The following PIK3R3 variants were observed in gnomAD, a reference collection of about 807,000 sequenced individuals.
PIK3R3 encodes the protein phosphoinositide-3-kinase regulatory subunit 3, also known as phosphatidylinositol 3-kinase regulatory subunit gamma.
PIK3R3 carries 64 observed loss-of-function variants against 62.9 expected under a neutral mutation model. The observed-to-expected ratio is 1.02, with a 90% CI of 0.83 to 1.25. The LOEUF is 1.25. Among genes scored for constraint, PIK3R3 ranks in the 50% most tolerant of loss-of-function variants. The pLI is 0.00. For missense variants in PIK3R3, 614 were observed against 561.6 expected, an observed-to-expected ratio of 1.09 and a Z score of -0.94; for synonymous variants, 165 against 189.0, an observed-to-expected ratio of 0.87 and a Z score of 1.04.
Position 46,119,223 on chromosome 1 carries a change from G to A in PIK3R3, c.106+12624C>T, listed in dbSNP as rs1467396629. Among the ~76,000 whole-genome samples the A allele has an allele frequency of 2.0e-5, 3 of 152,174 alleles. No individual in the cohort carries two copies. In the East Asian group the frequency reaches 5.8e-4, roughly 29 times the overall value. ...GTCCATGAAGCATTTTTGCTGTTTT[G>A]TTCACTACTACACTTAGAATAGTGC... On this transcript the variant is annotated intron_variant, in intron 1 of 9. Coordinates refer to ENST00000262741, the MANE Select transcript of PIK3R3 (RefSeq NM_003629.4).
chr1:46,049,179 A>AT (rs1647190811), intron 7 of PIK3R3, among the ~76,000 whole-genome samples: 1 of 151,454 alleles, frequency 6.6e-6, no homozygotes. Flanking sequence ...AAAAAAAAAA[A>AT]GGAAAATACT....
chr1:46,066,079 T>C lies in PIK3R3; in HGVS notation c.596A>G (p.Tyr199Cys). Residue 199 changes from tyrosine (Y) to cysteine (C), a missense_variant, in exon 5 of 10, where the codon TAT becomes TGT. Tyr to Cys is a radical substitution (Grantham distance 194). Transcript: ENST00000262741. Reference protein sequence around the residue: ...QEKSKEYDRLYEEYTRTSQEI... With the variant: ...QEKSKEYDRLCEEYTRTSQEI... ...CTGGGATGTTCTAGTATATTCTTCA[T>C]ACAGCCTATCATACTCTTTACTCTT... is the stretch of plus-strand genomic sequence containing the variant. 1 of 1,609,042 alleles carries C rather than the reference T, an allele frequency of 6.2e-7. No homozygotes were observed. Among genetic ancestry groups the C allele is most frequent in the East Asian group, 2.2e-5 (1 of 44,706 alleles).
chr1:46,110,536 GA>G (rs2149453847), intron 1 of PIK3R3, among the ~76,000 whole-genome samples: 1 of 151,786 alleles, frequency 6.6e-6, no homozygotes, highest in South Asian at 2.1e-4. Flanking sequence ...CCTCTTCTTT[GA>G]TTCTACAGAG....
At chr1:46,050,308 T>TA (rs1405480421) in intron 7 of PIK3R3, among the ~76,000 whole-genome samples, 1 of 152,040 alleles carries the variant, frequency 6.6e-6, no homozygotes, top group African/African-American at 2.4e-5. Flanking sequence ...CTCATGCCTG[T>TA]AATCCCAGCA....
chr1:46,087,359 C>A (rs923555399), intron 1 of PIK3R3, among the ~76,000 whole-genome samples: 3 of 151,244 alleles, frequency 2.0e-5, no homozygotes, highest in African/African-American at 7.3e-5. Context: ...ACTCAGGGAA[C>A]ACCAAGCTCG....
chr1:46,150,868 G>C, the PIK3R3 span, among the ~76,000 whole-genome samples: 1 of 148,630 alleles, frequency 6.7e-6, no homozygotes, highest in Non-Finnish European at 1.5e-5. Context: ...GAATGCAATG[G>C]TGTGATCTCG....
At chr1:46,091,057 T>A (rs762756309) in intron 1 of PIK3R3, among the ~76,000 whole-genome samples, 1 of 152,036 alleles carries the variant, frequency 6.6e-6, no homozygotes, top group Non-Finnish European at 1.5e-5. Flanking sequence ...CTCAAACTCC[T>A]GGGTTCAAGT....
chr1:46,062,363 G>A (rs145180436), intron 5 of PIK3R3, among the ~76,000 whole-genome samples: 1,796 of 151,710 alleles, frequency 0.012, 28 homozygotes, highest in African/African-American at 0.038. Context: ...ATCACTTGAG[G>A]TCAGGAGTTC....
intron 1 of PIK3R3, among the ~76,000 whole-genome samples, chr1:46,103,468 G>A (rs959062564): frequency 9.2e-5 from 14 of 151,964 alleles, no homozygotes; most frequent in African/African-American, 2.9e-4. Flanking sequence ...TACTCAGGAG[G>A]CTGAGGCACG....
rs574893159 is a variant in PIK3R3 at position 46,040,140 on chromosome 1, T to A, written c.*3533A>T. 15 of 152,836 alleles carry A rather than the reference T, an allele frequency of 9.8e-5. No homozygotes were observed. In the East Asian group the frequency reaches 1.7e-3, roughly 17 times the overall value. The allele number at this position is 152,836 out of a possible 1,614,324, so 9.5% of individuals were successfully genotyped here. On this transcript the variant is annotated 3_prime_UTR_variant, in exon 10 of 10. Coordinates refer to ENST00000262741, the MANE Select transcript of PIK3R3 (RefSeq NM_003629.4). ...CCCTTCATAGCATGAAGACAAAAAA[T>A]TACTTTATTGCAATGTCTTTATTGC...
chr1:46,050,372 C>A (rs969120121), intron 7 of PIK3R3, among the ~76,000 whole-genome samples: 8 of 152,160 alleles, frequency 5.3e-5, no homozygotes, highest in African/African-American at 1.7e-4. Flanking sequence ...CGAGACCAGC[C>A]TGGCCAACAT....
At chr1:46,123,400 G>C (rs542036316) in intron 1 of PIK3R3, among the ~76,000 whole-genome samples, 1 of 152,260 alleles carries the variant, frequency 6.6e-6, no homozygotes, top group East Asian at 1.9e-4. Flanking sequence ...AATTCGACTA[G>C]AAGTATGAAT....
At chr1:46,071,712 A>AAAAAAAAATAT (rs1472807815) in intron 3 of PIK3R3, among the ~76,000 whole-genome samples, 3 of 24,644 alleles carry the variant, frequency 1.2e-4, no homozygotes, top group Non-Finnish European at 2.3e-4. Flanking sequence ...AAAAAAAAAA[A>AAAAAAAAATAT]ATATATATAT....
At chr1:46,144,301 G>A in the PIK3R3 span, among the ~76,000 whole-genome samples, 1 of 152,162 alleles carries the variant, frequency 6.6e-6, no homozygotes, top group East Asian at 1.9e-4. Flanking sequence ...AAGAATACGA[G>A]CAGTAATCAA....
intron 7 of PIK3R3, among the ~76,000 whole-genome samples, chr1:46,055,365 C>T (rs1360882646): frequency 3.9e-5 from 6 of 152,220 alleles, no homozygotes; most frequent in Non-Finnish European, 4.4e-5. Context: ...CTACCTCGGC[C>T]TCCCAAAGTG....
chr1:46,150,527 T>C, the PIK3R3 span, among the ~76,000 whole-genome samples: 499 of 152,352 alleles, frequency 3.3e-3, 2 homozygotes, highest in Non-Finnish European at 4.7e-3. Context: ...TCCCGTACTT[T>C]AACTTATGCT....
chr1:46,143,657 T>C, the PIK3R3 span, among the ~76,000 whole-genome samples: 1 of 152,150 alleles, frequency 6.6e-6, no homozygotes, highest in East Asian at 1.9e-4. Flanking sequence ...AAAAAAAATT[T>C]TTTTTTTTAG....
chr1:46,063,155 TAC>T (rs796083210), intron 5 of PIK3R3, among the ~76,000 whole-genome samples: 21 of 152,324 alleles, frequency 1.4e-4, no homozygotes, highest in African/African-American at 5.1e-4. Flanking sequence ...TTTATTGCTT[TAC>T]AGAGACTTCA....
the PIK3R3 span, among the ~76,000 whole-genome samples, chr1:46,147,641 G>A: frequency 7.6e-6 from 1 of 132,262 alleles, no homozygotes; most frequent in Non-Finnish European, 1.5e-5. Context: ...GGACGGTCTC[G>A]ATCTCGATCT....
Sources: gnomAD v4.1 joint callset for allele counts (sites outside exome capture counted in the v4.1 genomes callset) on GRCh38, gnomAD v4.1.1 for gene constraint, MANE v1.5 for transcripts, NCBI Gene and HGNC (gene_info 2026-07-23, HGNC 2026-07-21) for gene names.